Variants in PPA2 observed in about 807,000 individuals in gnomAD.
PPA2 encodes inorganic pyrophosphatase 2.
A neutral mutation model predicts 49.5 loss-of-function variants in PPA2; 48 were observed. The observed-to-expected ratio is 0.97, with a 90% CI of 0.77 to 1.23. The LOEUF (loss-of-function observed/expected upper bound fraction) is 1.23, where lower values mean the gene tolerates loss of function less well. PPA2 is among the 50% of genes most tolerant of loss of function. The pLI, the probability that PPA2 is intolerant of heterozygous loss-of-function variation, is 0.00. For synonymous variants in PPA2, 131 were observed against 139.9 expected (o/e 0.94, Z 0.45); for missense variants, 429 against 410.1 (o/e 1.05, Z -0.40).
intron 10 of PPA2, among the ~76,000 whole-genome samples, chr4:105,381,143 A>T (rs1733471860): frequency 6.6e-6 from 1 of 152,096 alleles, no homozygotes; most frequent in African/African-American, 2.4e-5. Context: ...CAAGTAAGAT[A>T]AAGCAAATTA....
intron 6 of PPA2, among the ~76,000 whole-genome samples, chr4:105,436,254 T>C (rs1021416128): frequency 6.6e-6 from 1 of 151,842 alleles, no homozygotes; most frequent in African/African-American, 2.4e-5. Context: ...CCCGCAGGAA[T>C]ACATTTAATC....
chr4:105,424,398 G>A (rs1167738981), intron 6 of PPA2, 76 bp from the exon 7 acceptor site: 1 of 1,308,996 alleles, frequency 7.6e-7, no homozygotes, highest in Admixed American at 2.8e-5. Flanking sequence ...CCATATAAAA[G>A]ATTAAAAGAA....
At chr4:105,396,460 T>G (rs1029825183) in intron 8 of PPA2, 126 bp from the exon 9 acceptor site, 37 of 602,872 alleles carry the variant, frequency 6.1e-5, no homozygotes, top group Non-Finnish European at 8.7e-5. Flanking sequence ...CAGGCAAAGC[T>G]TGGTATAAAT....
chr4:105,386,598 G>C lies in PPA2; in HGVS notation c.908C>G (p.Thr303Ser), dbSNP rs759743241. 2 of 1,612,544 alleles carry C rather than the reference G, an allele frequency of 1.2e-6. No individual in the cohort carries two copies. The highest frequency in any genetic ancestry group is 1.7e-6 in the Non-Finnish European group (2 of 1,179,032). ...AACTAATGATCTTGCTTCCTCTTGA[G>C]TGCAACGGAAAGGGCTATCAGATAT... ...VQISDSPFRC[T>S]QEEARSLVES... The change falls in exon 10 of 12, where the codon ACT (threonine) becomes AGT (serine). Residue 303 changes from threonine to serine, a missense_variant. Transcript: ENST00000341695.
In PPA2 at chr4:105,374,675, C is replaced by T. The variant is rs576236349; in HGVS notation, c.940-3802G>A. Among the ~76,000 whole-genome samples the T allele has an allele frequency of 5.8e-4, 89 of 152,192 alleles. 1 individual carries two copies. In the South Asian group the frequency reaches 0.018, roughly 30 times the overall value. On this transcript the variant is annotated intron_variant, in intron 10 of 11. Coordinates refer to ENST00000341695, the MANE Select transcript of PPA2 (RefSeq NM_176869.3). ...CATTTGTCCAAATGAACAAACATGA[C>T]ACACTGAACCAATATAAAGTATCCT...
chr4:105,373,408 G>A (rs1190273170), intron 10 of PPA2, among the ~76,000 whole-genome samples: 1 of 151,928 alleles, frequency 6.6e-6, no homozygotes, highest in East Asian at 1.9e-4. Flanking sequence ...TCCTTAAATT[G>A]TGCAGGATGC....
chr4:105,437,583 A>G (rs1347516907), intron 6 of PPA2, among the ~76,000 whole-genome samples: 1 of 152,198 alleles, frequency 6.6e-6, no homozygotes, highest in East Asian at 1.9e-4. Context: ...TTTTTCCATA[A>G]AGGGTCAGAT....
chr4:105,470,523 A>T (rs1301733049), intron 1 of PPA2, among the ~76,000 whole-genome samples: 1 of 152,238 alleles, frequency 6.6e-6, no homozygotes, highest in African/African-American at 2.4e-5. Context: ...AAATAAAATG[A>T]ATAAACAACA....
intron 9 of PPA2, among the ~76,000 whole-genome samples, chr4:105,391,344 C>CAAAAAAAAAAAAAAAAAAAA (rs11373169): frequency 9.8e-6 from 1 of 102,512 alleles, no homozygotes; most frequent in Non-Finnish European, 1.9e-5. Context: ...CTTAAAGTAA[C>CAAAAAAAAAAAAAAAAAAAA]AAAAAAAAAA....
chr4:105,372,534 T>G (rs931526363), intron 10 of PPA2, among the ~76,000 whole-genome samples: 1 of 152,192 alleles, frequency 6.6e-6, no homozygotes, highest in African/African-American at 2.4e-5. Flanking sequence ...ATAATGCAGA[T>G]TACCCTCCAT....
chr4:105,375,045 A>G (rs1167683419), intron 10 of PPA2, among the ~76,000 whole-genome samples: 1 of 151,952 alleles, frequency 6.6e-6, no homozygotes, highest in African/African-American at 2.4e-5. Flanking sequence ...GTTATGCTAC[A>G]TTCATTTTAC....
intron 5 of PPA2, 178 bp downstream of exon 5, chr4:105,446,205 G>A (rs1722376553): frequency 3.7e-6 from 2 of 540,552 alleles, no homozygotes; most frequent in South Asian, 3.8e-5. Context: ...ACATATATAT[G>A]GTTTAAAACA....
intron 5 of PPA2, among the ~76,000 whole-genome samples, chr4:105,442,481 T>C (rs1443674105): frequency 6.6e-6 from 1 of 152,224 alleles, no homozygotes; most frequent in Admixed American, 6.5e-5. Flanking sequence ...ATATCAATAC[T>C]ACATTAAGAC....
At chr4:105,417,286 C>G (rs557219791) in intron 7 of PPA2, among the ~76,000 whole-genome samples, 2 of 152,162 alleles carry the variant, frequency 1.3e-5, no homozygotes, top group Admixed American at 1.3e-4. Context: ...ACAGCACTAA[C>G]TTTGAAGATA....
intron 10 of PPA2, among the ~76,000 whole-genome samples, chr4:105,384,703 C>T (rs1365055840): frequency 6.6e-6 from 1 of 152,118 alleles, no homozygotes; most frequent in Non-Finnish European, 1.5e-5. Context: ...AATAATGTGG[C>T]CTGCATTATT....
intron 1 of PPA2, among the ~76,000 whole-genome samples, chr4:105,462,757 G>T (rs969275194): frequency 1.3e-5 from 2 of 152,140 alleles, no homozygotes; most frequent in African/African-American, 4.8e-5. Context: ...AATCATAGGG[G>T]TAAGTCTTTC....
intron 3 of PPA2, among the ~76,000 whole-genome samples, chr4:105,450,265 G>A (rs1268045950): frequency 6.6e-6 from 1 of 152,072 alleles, no homozygotes; most frequent in Non-Finnish European, 1.5e-5. Flanking sequence ...GGGCCAGTCT[G>A]CAAACCGATT....
intron 3 of PPA2, among the ~76,000 whole-genome samples, chr4:105,452,614 C>T (rs925747700): frequency 2.0e-5 from 3 of 152,090 alleles, no homozygotes; most frequent in Admixed American, 6.5e-5. Flanking sequence ...AATTTAAAGG[C>T]CCCCACAGGT....
rs546577905 is a variant in PPA2, at chr4:105,445,745, A to C, written c.441+638T>G. Among the ~76,000 whole-genome samples the C allele has an allele frequency of 7.7e-4, 117 of 152,258 alleles. 3 individuals carry two copies. The South Asian group carries it at 0.024, about 31-fold the overall frequency. ...AGCATATTCTGAGTTTTACTCACTAAATAATCTGGAAGAGTTACCTCTTCC... is the reference window on the plus strand; with the variant it reads ...AGCATATTCTGAGTTTTACTCACTACATAATCTGGAAGAGTTACCTCTTCC... On this transcript the variant is annotated intron_variant, in intron 5 of 11. Coordinates refer to ENST00000341695, the MANE Select transcript of PPA2 (RefSeq NM_176869.3).
Sources: gnomAD v4.1 joint callset for allele counts (sites outside exome capture counted in the v4.1 genomes callset) on GRCh38, gnomAD v4.1.1 for gene constraint, MANE v1.5 for transcripts, NCBI Gene and HGNC (gene_info 2026-07-23, HGNC 2026-07-21) for gene names.